The following MTOR variants were observed in gnomAD, a reference collection of about 807,000 sequenced individuals.
The protein encoded by MTOR is serine/threonine-protein kinase mTOR.
Under a neutral mutation model 319.8 loss-of-function variants are expected in MTOR, and 70 were observed. The observed-to-expected ratio is 0.22, with a 90% CI of 0.18 to 0.27. The LOEUF is 0.27. Ranked by LOEUF, MTOR falls within the 10% of genes least tolerant of loss-of-function variation. The pLI, the probability that MTOR is intolerant of heterozygous loss-of-function variation, is 1.00. For synonymous variants in MTOR, 1,183 were observed against 1,211.4 expected (o/e 0.98, Z 0.49); for missense variants, 1,890 against 3,274.4 (o/e 0.58, Z 10.32).
chr1:11,253,739 G>C, intron 6 of MTOR, 100 bp downstream of exon 6: 1 of 1,333,904 alleles, frequency 7.5e-7, no homozygotes, highest in Non-Finnish European at 1.0e-6. Flanking sequence ...TATGTTTCCT[G>C]CCACAAAATG....
At chr1:11,224,666 A>AGT (rs1226136287) in intron 19 of MTOR, among the ~76,000 whole-genome samples, 37 of 152,224 alleles carry the variant, frequency 2.4e-4, no homozygotes, top group Non-Finnish European at 4.4e-5. Flanking sequence ...ATCAACCACT[A>AGT]GACCATTAAA....
chr1:11,238,477 C>T lies in MTOR; in HGVS notation c.1927G>A (p.Val643Met), dbSNP rs776298945. The T allele has an allele frequency of 4.3e-6, 7 of 1,614,108 alleles. No homozygotes were observed. The highest frequency in any genetic ancestry group is 1.6e-4 in the Middle Eastern group (1 of 6,082). ...SIHLISGHAHVVSQTAVQVVA... is the reference protein window; with the variant it reads ...SIHLISGHAHMVSQTAVQVVA... ...ACTTGCACTGCGGTCTGGCTAACCA[C>T]ATGAGCATGGCCACTGATGAGGTGG... is the stretch of plus-strand genomic sequence containing the variant. Residue 643 changes from valine (V) to methionine (M), a missense_variant, in exon 12 of 58, where the codon GTG becomes ATG. By Grantham distance (21) the Val-to-Met change is conservative. This residue lies in a region of MTOR where 418 missense variants were observed against 543.1 expected (regional missense o/e 0.77). Transcript: ENST00000361445.
chr1:11,176,422 G>A (rs918595024), intron 28 of MTOR, among the ~76,000 whole-genome samples: 5 of 152,184 alleles, frequency 3.3e-5, no homozygotes, highest in African/African-American at 1.2e-4. Context: ...GGCACAGCTG[G>A]GGCAACGCTC....
At chr1:11,262,181 G>A (rs563058446) in intron 1 of MTOR, among the ~76,000 whole-genome samples, 2 of 152,310 alleles carry the variant, frequency 1.3e-5, no homozygotes, top group South Asian at 2.1e-4. Flanking sequence ...GACCCAAAGG[G>A]CAATACCAGA....
At chr1:11,183,567 T>C (rs781621110) in intron 28 of MTOR, among the ~76,000 whole-genome samples, 1 of 152,262 alleles carries the variant, frequency 6.6e-6, no homozygotes, top group African/African-American at 2.4e-5. Context: ...TTCTCTTCAT[T>C]GTGTCTTCCA....
At chr1:11,192,989 G>A (rs1031771497) in intron 28 of MTOR, among the ~76,000 whole-genome samples, 1 of 151,876 alleles carries the variant, frequency 6.6e-6, no homozygotes, top group South Asian at 2.1e-4. Context: ...TGGGGGAGGA[G>A]AAAAGAAAAC....
chr1:11,147,060 G>A (rs1001361977), intron 31 of MTOR, among the ~76,000 whole-genome samples: 1 of 152,202 alleles, frequency 6.6e-6, no homozygotes, highest in South Asian at 2.1e-4. Flanking sequence ...AAGTGCATGA[G>A]TGTGAAGTCT....
intron 19 of MTOR, among the ~76,000 whole-genome samples, chr1:11,221,910 C>T (rs945078632): frequency 6.7e-5 from 10 of 150,258 alleles, no homozygotes; most frequent in African/African-American, 2.2e-4. Context: ...AGTGACTGTG[C>T]AACCAACTTG....
chr1:11,247,797 G>A (rs763872175), intron 7 of MTOR, 22 bp downstream of exon 7: 8 of 1,611,910 alleles, frequency 5.0e-6, no homozygotes, highest in South Asian at 2.2e-5. Context: ...GGAAAAGAGG[G>A]AAAGGGCCTC....
chr1:11,145,140 A>C, intron 32 of MTOR, 95 bp from the exon 33 acceptor site: 1 of 1,053,554 alleles, frequency 9.5e-7, no homozygotes, highest in Non-Finnish European at 1.4e-6. Context: ...TATCTGTCTC[A>C]CTTAAATTCC....
At chr1:11,187,509 T>C (rs1055333198) in intron 28 of MTOR, among the ~76,000 whole-genome samples, 1 of 152,142 alleles carries the variant, frequency 6.6e-6, no homozygotes, top group Admixed American at 6.5e-5. Context: ...GCTCAGGCGG[T>C]AATGCTCACT....
rs1003927434 is a variant in MTOR at position 11,198,776 on chromosome 1, C to G, written c.4253+482G>C. Among the ~76,000 whole-genome samples, 8 of 152,090 alleles carry G rather than the reference C, an allele frequency of 5.3e-5. 1 individual carries two copies. Among genetic ancestry groups the G allele is most frequent in the African/African-American group, 1.9e-4 (8 of 41,392 alleles). ...AACATAACCACATCAGAGAAAAGAC[C>G]ATTAGATTTCAGATTATGCTCTGCC... On this transcript the variant is annotated intron_variant, in intron 28 of 57. Transcript: ENST00000361445.
chr1:11,161,094 C>T (rs551914024), intron 29 of MTOR, among the ~76,000 whole-genome samples: 44 of 152,316 alleles, frequency 2.9e-4, no homozygotes, highest in African/African-American at 8.4e-4. Flanking sequence ...CCTAAAACTG[C>T]GCTTTTCCAA....
chr1:11,188,078 T>C (rs924430942), intron 28 of MTOR, among the ~76,000 whole-genome samples: 1 of 152,182 alleles, frequency 6.6e-6, no homozygotes, highest in Admixed American at 6.5e-5. Context: ...TGGGGGATTA[T>C]GGCATGGGAG....
At chr1:11,209,705 A>G (rs1287741210) in intron 24 of MTOR, among the ~76,000 whole-genome samples, 1 of 152,234 alleles carries the variant, frequency 6.6e-6, no homozygotes, top group Non-Finnish European at 1.5e-5. Flanking sequence ...CCATGCAACT[A>G]GCAAAGATAA....
In MTOR at chr1:11,146,764, G is replaced by A; in HGVS notation, c.4598C>T (p.Thr1533Ile). The part of the protein sequence containing the change: ...LGQWDSMEEY[T>I]CMIPRDTHDG... The stretch of plus-strand genomic sequence containing the variant: ...ATGGGTGTCCCGAGGGATCATACAG[G>A]TGTATTCTTCCATGCTGTCCCACTG... The change falls in exon 32 of 58, where the codon ACC (threonine) becomes ATC (isoleucine). Residue 1533 changes from threonine to isoleucine, a missense_variant. Physicochemically the swap from Thr to Ile is moderately conservative, Grantham distance 89. Around this residue, in one of 15 missense-constraint regions of MTOR, gnomAD observed 276 missense variants for 459.4 expected, o/e 0.60. Coordinates refer to ENST00000361445, the MANE Select transcript of MTOR (RefSeq NM_004958.4). 1 of 1,614,066 alleles carries A rather than the reference G, an allele frequency of 6.2e-7. No homozygotes were observed. The highest frequency in any genetic ancestry group is 8.5e-7 in the Non-Finnish European group (1 of 1,179,952).
intron 28 of MTOR, chr1:11,189,799 T>C: frequency 6.2e-7 from 1 of 1,614,204 alleles, no homozygotes; most frequent in Non-Finnish European, 8.5e-7. Flanking sequence ...GGAGAGGGAC[T>C]GGGTCAGCGT....
intron 23 of MTOR, among the ~76,000 whole-genome samples, chr1:11,211,696 G>C (rs1413329647): frequency 6.6e-6 from 1 of 152,072 alleles, no homozygotes; most frequent in African/African-American, 2.4e-5. Flanking sequence ...CAAGTTCTCA[G>C]GTATGTAGAC....
At chr1:11,215,205 C>T (rs1646431215) in intron 20 of MTOR, among the ~76,000 whole-genome samples, 1 of 152,162 alleles carries the variant, frequency 6.6e-6, no homozygotes, top group Non-Finnish European at 1.5e-5. Flanking sequence ...ATTACTTCAT[C>T]CTCCTCCCAT....
Sources: gnomAD v4.1 joint callset for allele counts (sites outside exome capture counted in the v4.1 genomes callset) on GRCh38, gnomAD v4.1.1 for gene constraint, gnomAD v4.1.1 regional missense constraint, MANE v1.5 for transcripts, NCBI Gene and HGNC (gene_info 2026-07-23, HGNC 2026-07-21) for gene names.